The following SMAD3 variants were observed in gnomAD, a reference collection of about 807,000 sequenced individuals.
The protein encoded by SMAD3 is SMAD family member 3.
In SMAD3, 12 loss-of-function variants were observed where a neutral mutation model predicts 51.8. The observed-to-expected ratio is 0.23, with a 90% CI of 0.15 to 0.38. The LOEUF (loss-of-function observed/expected upper bound fraction) is 0.38. SMAD3 is among the 10% of genes least tolerant of loss of function. The probability of loss-of-function intolerance (pLI) is 1.00; values close to 1 mark genes in which losing one functional copy is unlikely to be tolerated. For missense variants in SMAD3, 294 were observed against 565.6 expected (o/e 0.52, Z 4.87); for synonymous variants, 238 against 227.7 (o/e 1.05, Z -0.41).
At chr15:67,066,385 C>A (rs1432764180) in intron 1 of SMAD3, 25 bp downstream of exon 1, 9 of 1,595,744 alleles carry the variant, frequency 5.6e-6, no homozygotes, top group Admixed American at 5.1e-5. Context: ...GGGGGGGACC[C>A]GGGGTCACGC....
At chr15:67,085,889 C>CACAT (rs1349642172) in intron 1 of SMAD3, among the ~76,000 whole-genome samples, 1 of 58,764 alleles carries the variant, frequency 1.7e-5, no homozygotes, top group East Asian at 3.5e-4. Context: ...CACACACACA[C>CACAT]ACACACACAC....
chr15:67,100,883 G>C (rs989398774), intron 1 of SMAD3, among the ~76,000 whole-genome samples: 3 of 152,208 alleles, frequency 2.0e-5, no homozygotes, highest in Non-Finnish European at 4.4e-5. Context: ...TTGGCTTCTA[G>C]CCTCCTCACT....
intron 1 of SMAD3, among the ~76,000 whole-genome samples, chr15:67,104,695 C>T (rs1005344170): frequency 2.0e-5 from 3 of 152,266 alleles, no homozygotes; most frequent in African/African-American, 7.2e-5. Flanking sequence ...CACTATACTC[C>T]GTGTTATCTT....
Position 67,166,888 on chromosome 15 carries a change from T to G in SMAD3, c.607+35T>G, listed in dbSNP as rs199622235. 70 of 1,516,772 alleles carry G rather than the reference T, an allele frequency of 4.6e-5. No homozygotes were observed. In the African/African-American group the frequency reaches 6.6e-4, roughly 14 times the overall value. The allele number at this position is 1,516,772 out of a possible 1,614,324, so 94.0% of individuals were successfully genotyped here. On this transcript the variant is annotated intron_variant, in intron 4 of 8. Transcript: ENST00000327367. ...GCAGGGTCATGCTCTTATTCTTAAC[T>G]GATTAGCAGCTGGTGGGTTCATCCC...
chr15:67,162,341 C>G (rs1962452396), intron 1 of SMAD3, among the ~76,000 whole-genome samples: 2 of 152,216 alleles, frequency 1.3e-5, no homozygotes, highest in Admixed American at 1.3e-4. Context: ...AATTATGGCA[C>G]TGACTGGCAG....
intron 1 of SMAD3, among the ~76,000 whole-genome samples, chr15:67,162,625 C>T (rs745548666): frequency 6.6e-6 from 1 of 152,142 alleles, no homozygotes; most frequent in Non-Finnish European, 1.5e-5. Flanking sequence ...CCTGCCTCCC[C>T]GGCCTCGTCT....
At chr15:67,092,993 C>T (rs976174279) in intron 1 of SMAD3, among the ~76,000 whole-genome samples, 13 of 152,130 alleles carry the variant, frequency 8.5e-5, no homozygotes, top group African/African-American at 3.1e-4. Context: ...ACTTAGGAGG[C>T]TTGTAGCCTG....
chr15:67,183,000 A>AT lies in SMAD3; in HGVS notation c.871+1547_871+1548insT, dbSNP rs1555413789. 6.6e-3 allele frequency among the ~76,000 whole-genome samples: 287 copies of AT among 43,578 alleles called. 3 individuals are homozygous for AT. The highest frequency in any genetic ancestry group is 0.018 in the African/African-American group (132 of 7,332). 28.6% of individuals were successfully genotyped at this position (43,578 alleles called of 152,430 possible). A position where few individuals can be genotyped will look rare whatever the true frequency, so the allele number is the denominator to read the frequency against. On this transcript the variant is annotated intron_variant, in intron 6 of 8. Transcript: ENST00000327367. Reference sequence around the variant, plus strand: ...CTATATTTTATTAAAAAAAAAAAAAAATATATATATATATATATATATATA... The same window carrying AT: ...CTATATTTTATTAAAAAAAAAAAAAATATATATATATATATATATATATATA...
chr15:67,176,226 T>G (rs1173112229), intron 5 of SMAD3, among the ~76,000 whole-genome samples: 1 of 152,192 alleles, frequency 6.6e-6, no homozygotes, highest in African/African-American at 2.4e-5. Context: ...AGGTTAATTC[T>G]GCACTGAGGC....
intron 1 of SMAD3, among the ~76,000 whole-genome samples, chr15:67,104,318 T>C (rs1388264744): frequency 6.6e-6 from 1 of 152,218 alleles, no homozygotes; most frequent in African/African-American, 2.4e-5. Flanking sequence ...TGTCACTGTA[T>C]ACATCAAGTC....
chr15:67,066,094 C>G lies in SMAD3; in HGVS notation c.-61C>G. 3 of 1,327,916 alleles carry G rather than the reference C, an allele frequency of 2.3e-6. No individual in the cohort carries two copies. Among genetic ancestry groups the G allele is most frequent in the Non-Finnish European group, 3.1e-6 (3 of 961,192 alleles). 82.3% of individuals were successfully genotyped at this position (1,327,916 alleles called of 1,614,324 possible). A position where few individuals can be genotyped will look rare whatever the true frequency, so the allele number is the denominator to read the frequency against. The stretch of plus-strand genomic sequence containing the variant: ...GCCGAGCTCCCCTCTGCGCCCCCGG[C>G]GTCCCGTCGAGCCCAGCCCCGCCGG... On this transcript the variant is annotated 5_prime_UTR_variant, in exon 1 of 9. Transcript: ENST00000327367.
At position 67,123,522 on chromosome 15, in the gene SMAD3, TA is replaced by T. The variant is rs1457641552; in HGVS notation, c.207-41371del. On this transcript the variant is annotated intron_variant, in intron 1 of 8. Coordinates refer to ENST00000327367, the MANE Select transcript of SMAD3 (RefSeq NM_005902.4). ...CTCAAAAAAAAGGAAAAAAGAATTCTAACATGTTTGAGATTGACTGCAATTC... is the reference window on the plus strand; with the variant it reads ...CTCAAAAAAAAGGAAAAAAGAATTCTACATGTTTGAGATTGACTGCAATTC... Among the ~76,000 whole-genome samples, 4 of 152,298 alleles carry T rather than the reference TA, an allele frequency of 2.6e-5. No individual in the cohort carries two copies. In the East Asian group the frequency reaches 5.8e-4, roughly 22 times the overall value.
At chr15:67,188,032 T>C (rs1279031351) in intron 8 of SMAD3, among the ~76,000 whole-genome samples, 1 of 152,140 alleles carries the variant, frequency 6.6e-6, no homozygotes, top group African/African-American at 2.4e-5. Flanking sequence ...GCCCAGGATA[T>C]TAAAACTGAG....
intron 1 of SMAD3, among the ~76,000 whole-genome samples, chr15:67,157,550 G>A (rs915899694): frequency 1.3e-5 from 2 of 152,264 alleles, no homozygotes; most frequent in African/African-American, 4.8e-5. Context: ...TGCCTGGCAC[G>A]TAGTTCATGC....
intron 1 of SMAD3, among the ~76,000 whole-genome samples, chr15:67,164,255 C>T (rs1469898588): frequency 1.4e-5 from 2 of 139,416 alleles, no homozygotes; most frequent in Non-Finnish European, 3.0e-5. Flanking sequence ...GCAGAGCTTG[C>T]AGTGAGCCGA....
At chr15:67,141,651 C>T (rs1208191436) in intron 1 of SMAD3, among the ~76,000 whole-genome samples, 3 of 152,160 alleles carry the variant, frequency 2.0e-5, no homozygotes, top group African/African-American at 7.2e-5. Flanking sequence ...CCATTCAGCT[C>T]CATACATGGC....
intron 1 of SMAD3, among the ~76,000 whole-genome samples, chr15:67,073,765 C>T (rs899640731): frequency 1.3e-5 from 2 of 152,236 alleles, no homozygotes; most frequent in African/African-American, 4.8e-5. Flanking sequence ...ACCTCCGCTT[C>T]CCAGGTTCAA....
intron 1 of SMAD3, among the ~76,000 whole-genome samples, chr15:67,106,335 G>A (rs58138999): frequency 3.6e-4 from 55 of 152,274 alleles, no homozygotes; most frequent in African/African-American, 1.2e-3. Context: ...CTGACCTTAC[G>A]TATCTTTCCT....
chr15:67,176,298 G>C (rs77100310), intron 5 of SMAD3, among the ~76,000 whole-genome samples: 10,269 of 152,140 alleles, frequency 0.067, 472 homozygotes, highest in Admixed American at 0.11. Flanking sequence ...CTGCAGAGGA[G>C]GGGGATGGGC....
Sources: allele counts gnomAD v4.1 joint callset (sites outside exome capture counted in the v4.1 genomes callset), GRCh38; gene constraint gnomAD v4.1.1; transcripts MANE v1.5; gene names NCBI Gene and HGNC (gene_info 2026-07-23, HGNC 2026-07-21).